The following PREX1 variants were observed in gnomAD, a reference collection of about 807,000 sequenced individuals.
PREX1 encodes phosphatidylinositol 3,4,5-trisphosphate-dependent Rac exchanger 1 protein.
Under a neutral mutation model 198.3 loss-of-function variants are expected in PREX1, and 41 were observed. The ratio of observed to expected loss-of-function variants is 0.21; its 90% CI spans 0.16 to 0.27. PREX1 has a LOEUF of 0.27. PREX1 is among the 10% of genes least tolerant of loss of function. The pLI is 1.00. For missense variants in PREX1, 1,620 were observed against 2,200.7 expected (o/e 0.74, Z 5.28); for synonymous variants, 843 against 887.2 (o/e 0.95, Z 0.89).
chr20:48,672,144 A>G (rs1568816497), intron 14 of PREX1, among the ~76,000 whole-genome samples: 1 of 152,080 alleles, frequency 6.6e-6, no homozygotes, highest in Non-Finnish European at 1.5e-5. Context: ...CTCCTCCTCC[A>G]GTCTCTAAAT....
At chr20:48,632,988 C>A (rs756554052) in intron 33 of PREX1, among the ~76,000 whole-genome samples, 3 of 152,224 alleles carry the variant, frequency 2.0e-5, no homozygotes, top group Non-Finnish European at 2.9e-5. Flanking sequence ...GCTTCCCCAG[C>A]GCTCCTTGTA....
At chr20:48,867,670 G>A in the PREX1 span, among the ~76,000 whole-genome samples, 5 of 147,612 alleles carry the variant, frequency 3.4e-5, no homozygotes, top group Non-Finnish European at 7.4e-5. Context: ...TTGAGAGGCT[G>A]AGGCAGGAGA....
chr20:48,645,389 T>A (rs1053733829), intron 26 of PREX1, among the ~76,000 whole-genome samples: 1 of 152,214 alleles, frequency 6.6e-6, no homozygotes, highest in African/African-American at 2.4e-5. Flanking sequence ...AACCAACTAG[T>A]TAGGACCTCA....
chr20:48,874,019 G>A, the PREX1 span, among the ~76,000 whole-genome samples: 1 of 152,068 alleles, frequency 6.6e-6, no homozygotes, highest in African/African-American at 2.4e-5. Context: ...GAGTAGCTGG[G>A]ACTACAGGCA....
At position 48,708,373 on chromosome 20, in the gene PREX1, G is replaced by T. The variant is rs771700877; in HGVS notation, c.670C>A (p.Gln224Lys). Residue 224 changes from glutamine to lysine, a missense_variant, in exon 6 of 40, where the codon CAG (glutamine) becomes AAG (lysine). By Grantham distance (53) the Gln-to-Lys change is moderately conservative. This residue lies in a region of PREX1 where 488 missense variants were observed against 802.5 expected (regional missense o/e 0.61). Coordinates refer to ENST00000371941, the MANE Select transcript of PREX1 (RefSeq NM_020820.4). ...PGKHPDHPAV[Q>K]SALQAMKTVC... ...GTCTTCATGGCCTGCAGGGCACTCTGGACCGCGGGGTGGTCTGGGTGCTTG... is the reference window on the plus strand; with the variant it reads ...GTCTTCATGGCCTGCAGGGCACTCTTGACCGCGGGGTGGTCTGGGTGCTTG... The T allele has an allele frequency of 6.2e-7, 1 of 1,614,122 alleles. No homozygotes were observed. Among genetic ancestry groups the T allele is most frequent in the Non-Finnish European group, 8.5e-7 (1 of 1,180,040 alleles).
intron 1 of PREX1, among the ~76,000 whole-genome samples, chr20:48,782,487 T>G (rs1400503506): frequency 1.3e-5 from 2 of 148,174 alleles, no homozygotes; most frequent in Non-Finnish European, 2.9e-5. Flanking sequence ...GTCTCGAGTA[T>G]GTCTTTATCA....
chr20:48,717,475 C>T (rs564581570), intron 5 of PREX1, among the ~76,000 whole-genome samples: 1 of 146,246 alleles, frequency 6.8e-6, no homozygotes, highest in Non-Finnish European at 1.5e-5. Flanking sequence ...TGAAGAGGTG[C>T]TAAGGATACC....
At chr20:48,819,125 T>A (rs1394017523) in intron 1 of PREX1, among the ~76,000 whole-genome samples, 1 of 152,262 alleles carries the variant, frequency 6.6e-6, no homozygotes, top group East Asian at 1.9e-4. Context: ...GGTTTCCACG[T>A]CACCAACTGA....
At chr20:48,873,797 A>G in the PREX1 span, among the ~76,000 whole-genome samples, 1 of 152,190 alleles carries the variant, frequency 6.6e-6, no homozygotes, top group Non-Finnish European at 1.5e-5. Flanking sequence ...ACAGCGGAAA[A>G]TACGTCACCA....
At chr20:48,765,110 G>A (rs368342248) in intron 1 of PREX1, among the ~76,000 whole-genome samples, 54 of 152,274 alleles carry the variant, frequency 3.5e-4, no homozygotes, top group Non-Finnish European at 6.2e-4. Context: ...ACATGTACAC[G>A]AAAGAAAAGC....
At chr20:48,819,861 C>T (rs1424042112) in intron 1 of PREX1, among the ~76,000 whole-genome samples, 2 of 152,186 alleles carry the variant, frequency 1.3e-5, no homozygotes, top group African/African-American at 4.8e-5. Context: ...ATGAATAAGT[C>T]GATTAGTGGA....
chr20:48,723,659 G>A (rs891166497), intron 5 of PREX1, among the ~76,000 whole-genome samples: 5 of 152,292 alleles, frequency 3.3e-5, no homozygotes, highest in Admixed American at 1.3e-4. Flanking sequence ...AGAGCAAACC[G>A]CAGCCACCCC....
the PREX1 span, among the ~76,000 whole-genome samples, chr20:48,860,654 C>T: frequency 6.6e-6 from 1 of 152,026 alleles, no homozygotes; most frequent in Non-Finnish European, 1.5e-5. Context: ...TCCTGGCTAA[C>T]ATGGTGAAAC....
At chr20:48,728,729 T>C (rs2090020466) in intron 4 of PREX1, among the ~76,000 whole-genome samples, 1 of 152,176 alleles carries the variant, frequency 6.6e-6, no homozygotes. Context: ...AGGGCCCATC[T>C]TTGTCCAGGA....
the PREX1 span, among the ~76,000 whole-genome samples, chr20:48,878,856 T>C: frequency 9.2e-5 from 14 of 152,144 alleles, no homozygotes; most frequent in Non-Finnish European, 1.5e-4. Context: ...TCCTGAACCT[T>C]TATTGGGATG....
intron 1 of PREX1, among the ~76,000 whole-genome samples, chr20:48,815,793 G>T (rs1228798571): frequency 6.6e-6 from 1 of 152,074 alleles, no homozygotes; most frequent in Non-Finnish European, 1.5e-5. Flanking sequence ...AATCACCTGA[G>T]GTCAGGGGTT....
At chr20:48,759,822 G>GGCTCACACCTGTGA (rs1163392361) in intron 1 of PREX1, among the ~76,000 whole-genome samples, 2 of 152,078 alleles carry the variant, frequency 1.3e-5, no homozygotes, top group Non-Finnish European at 2.9e-5. Context: ...TTATTGGCCA[G>GGCTCACACCTGTGA]GCTCACACCT....
chr20:48,702,429 C>T (rs2089880084), intron 6 of PREX1, among the ~76,000 whole-genome samples: 1 of 152,238 alleles, frequency 6.6e-6, no homozygotes, highest in Admixed American at 6.5e-5. Context: ...CCACGTCCCT[C>T]TTCTGTGATT....
chr20:48,877,285 G>C, the PREX1 span, among the ~76,000 whole-genome samples: 1 of 150,370 alleles, frequency 6.7e-6, no homozygotes, highest in East Asian at 2.0e-4. Flanking sequence ...AAAAAAAAAA[G>C]AAAGAAAAAA....
Sources: gnomAD v4.1 joint callset for allele counts (sites outside exome capture counted in the v4.1 genomes callset) on GRCh38, gnomAD v4.1.1 for gene constraint, gnomAD v4.1.1 regional missense constraint, MANE v1.5 for transcripts, NCBI Gene and HGNC (gene_info 2026-07-23, HGNC 2026-07-21) for gene names.